The following GRIA4 variants were observed in gnomAD, a reference collection of about 807,000 sequenced individuals.
GRIA4 encodes glutamate ionotropic receptor AMPA type subunit 4.
A neutral mutation model predicts 104.0 loss-of-function variants in GRIA4; 34 were observed. The observed-to-expected ratio is 0.33, with a 90% CI of 0.25 to 0.44. GRIA4 has a LOEUF of 0.44. Among genes scored for constraint, GRIA4 ranks in the 20% least tolerant of loss-of-function variants. The pLI is 1.00. For missense variants in GRIA4, 750 were observed against 1,096.5 expected, an observed-to-expected ratio of 0.68 and a Z score of 4.46; for synonymous variants, 386 against 381.9, an observed-to-expected ratio of 1.01 and a Z score of -0.13.
intron 6 of GRIA4, among the ~76,000 whole-genome samples, chr11:105,888,139 T>A (rs1346523792): frequency 1.3e-5 from 2 of 152,148 alleles, no homozygotes; most frequent in African/African-American, 4.8e-5. Flanking sequence ...TATGTCTTGT[T>A]AACCATGTAG....
chr11:105,614,745 T>G (rs887249748), intron 3 of GRIA4, among the ~76,000 whole-genome samples: 1 of 151,946 alleles, frequency 6.6e-6, no homozygotes, highest in Non-Finnish European at 1.5e-5. Context: ...TGAAAATCCT[T>G]AAGGCAAATC....
chr11:105,675,503 T>G (rs1952508379), intron 3 of GRIA4, among the ~76,000 whole-genome samples: 1 of 151,846 alleles, frequency 6.6e-6, no homozygotes. Flanking sequence ...TAGAAACCTT[T>G]AAGGTAGCAT....
At chr11:105,777,636 G>A (rs1421601161) in intron 4 of GRIA4, among the ~76,000 whole-genome samples, 1 of 151,958 alleles carries the variant, frequency 6.6e-6, no homozygotes, top group East Asian at 1.9e-4. Context: ...AAAAAATTTT[G>A]TGGATCTAGA....
chr11:105,731,295 T>C (rs1938571800), intron 3 of GRIA4, among the ~76,000 whole-genome samples: 1 of 152,138 alleles, frequency 6.6e-6, no homozygotes. Context: ...TCACTGGTCA[T>C]TAGAGAAATG....
At chr11:105,696,153 G>A (rs1308813734) in intron 3 of GRIA4, among the ~76,000 whole-genome samples, 1 of 152,016 alleles carries the variant, frequency 6.6e-6, no homozygotes, top group East Asian at 1.9e-4. Context: ...ATCTTCCTTG[G>A]GTTCAGTACA....
At chr11:105,850,040 T>A (rs1944745056) in intron 4 of GRIA4, among the ~76,000 whole-genome samples, 1 of 152,218 alleles carries the variant, frequency 6.6e-6, no homozygotes, top group Non-Finnish European at 1.5e-5. Flanking sequence ...CCTATCAGTT[T>A]CATGAAAGTA....
intron 4 of GRIA4, among the ~76,000 whole-genome samples, chr11:105,825,400 T>C (rs1943732511): frequency 6.6e-6 from 1 of 152,046 alleles, no homozygotes; most frequent in African/African-American, 2.4e-5. Flanking sequence ...GTGCCTCCTT[T>C]TTACCTAAAG....
intron 13 of GRIA4, among the ~76,000 whole-genome samples, chr11:105,929,249 T>A (rs1037129372): frequency 2.0e-5 from 3 of 152,046 alleles, no homozygotes; most frequent in African/African-American, 7.2e-5. Context: ...GTCAAAATCA[T>A]TTTCTCATAG....
At chr11:105,945,017 A>G (rs866550111) in intron 14 of GRIA4, among the ~76,000 whole-genome samples, 2 of 152,102 alleles carry the variant, frequency 1.3e-5, no homozygotes, top group African/African-American at 4.8e-5. Context: ...CAGATTTAGT[A>G]TTGCTTCAAT....
In GRIA4 at chr11:105,958,270, T is replaced by C. The variant is rs1443617284; in HGVS notation, c.2295-13644T>C. The stretch of plus-strand genomic sequence containing the variant: ...AGTTTGTCATAAATAGCTCTTATTA[T>C]TTTGAGATACGTCCCATCAATACCT... On this transcript the variant is annotated intron_variant, in intron 14 of 16. Transcript: ENST00000282499. Among the ~76,000 whole-genome samples the C allele has an allele frequency of 1.3e-5, 2 of 152,196 alleles. 1 individual carries two copies. Among genetic ancestry groups the C allele is most frequent in the East Asian group, 3.9e-4 (2 of 5,188 alleles).
Position 105,918,891 on chromosome 11 carries a change from T to C in GRIA4, c.1449T>C (p.Asn483=), listed in dbSNP as rs750601818. ...GGGATGCAGACACAAAAATCTGGAA[T>C]GGGATGGTAGGAGAACTTGTTTATG... The part of the protein sequence containing the change: ...GARDADTKIW[N]GMVGELVYGK... The change falls in exon 11 of 17, where the codon AAT becomes AAC. Residue 483 remains asparagine (N), a synonymous_variant. Coordinates refer to ENST00000282499, the MANE Select transcript of GRIA4 (RefSeq NM_000829.4). 5 of 1,609,538 alleles carry C rather than the reference T, an allele frequency of 3.1e-6. No individual in the cohort carries two copies. Among genetic ancestry groups the C allele is most frequent in the Middle Eastern group, 1.6e-4 (1 of 6,064 alleles).
At chr11:105,777,143 T>C (rs888020227) in intron 4 of GRIA4, among the ~76,000 whole-genome samples, 9 of 152,308 alleles carry the variant, frequency 5.9e-5, no homozygotes, top group South Asian at 2.1e-4. Flanking sequence ...ACTTCTGCAA[T>C]TGAGATTATG....
intron 3 of GRIA4, among the ~76,000 whole-genome samples, chr11:105,676,529 A>AATCACTATATCTATAAGGTAT (rs1361851268): frequency 4.5e-4 from 67 of 147,332 alleles, no homozygotes; most frequent in African/African-American, 1.6e-3. Context: ...TATAAAAAAA[A>AATCACTATATCTATAAGGTAT]GAATCACTAT....
At chr11:105,769,488 G>C (rs1000139123) in intron 4 of GRIA4, among the ~76,000 whole-genome samples, 24 of 152,164 alleles carry the variant, frequency 1.6e-4, no homozygotes, top group African/African-American at 5.1e-4. Context: ...AGAAGAGAGG[G>C]AGTGGAATGG....
Position 105,981,591 on chromosome 11 carries a change from A to ACACACAC in GRIA4, c.*1852_*1853insCACACAC, listed in dbSNP as rs57222107. 13 of 151,768 alleles carry ACACACAC rather than the reference A, an allele frequency of 8.6e-5. No individual in the cohort carries two copies. Among genetic ancestry groups the ACACACAC allele is most frequent in the East Asian group, 3.9e-4 (2 of 5,174 alleles). The allele number at this position is 151,768 out of a possible 1,614,324, so 9.4% of individuals were successfully genotyped here. A position where few individuals can be genotyped will look rare whatever the true frequency, so the allele number is the denominator to read the frequency against. ...CACACACACACACACACACACACAC[A>ACACACAC]AGTCCCTCAGGAAAAATTCCAAGCT... On this transcript the variant is annotated 3_prime_UTR_variant, in exon 17 of 17. Transcript: ENST00000282499.
chr11:105,933,519 AT>A (rs2136211576), intron 13 of GRIA4, among the ~76,000 whole-genome samples: 1 of 152,256 alleles, frequency 6.6e-6, no homozygotes, highest in African/African-American at 2.4e-5. Context: ...AATGTCTATC[AT>A]TTCCATGATT....
At chr11:105,708,347 G>A (rs1953783518) in intron 3 of GRIA4, among the ~76,000 whole-genome samples, 1 of 152,156 alleles carries the variant, frequency 6.6e-6, no homozygotes, top group East Asian at 1.9e-4. Context: ...AATGTGAAAA[G>A]AATGATACTT....
intron 3 of GRIA4, among the ~76,000 whole-genome samples, chr11:105,623,285 T>C (rs1320084328): frequency 6.6e-6 from 1 of 151,890 alleles, no homozygotes; most frequent in Admixed American, 6.6e-5. Context: ...AGACTGAAAG[T>C]TGTGCTAATT....
intron 3 of GRIA4, among the ~76,000 whole-genome samples, chr11:105,634,513 G>GAAAGAAAGA (rs766783212): frequency 4.3e-5 from 3 of 69,364 alleles, no homozygotes; most frequent in African/African-American, 1.3e-4. Context: ...AAGAAAGAAA[G>GAAAGAAAGA]AAGAAAGAAA....
Sources: gnomAD v4.1 joint callset for allele counts (sites outside exome capture counted in the v4.1 genomes callset) on GRCh38, gnomAD v4.1.1 for gene constraint, MANE v1.5 for transcripts, NCBI Gene and HGNC (gene_info 2026-07-23, HGNC 2026-07-21) for gene names.